The following ZCCHC7 variants were observed in gnomAD, a reference collection of about 807,000 sequenced individuals.
The protein encoded by ZCCHC7 is zinc finger CCHC-type containing 7.
In ZCCHC7, 35 loss-of-function variants were observed where a neutral mutation model predicts 52.0. That is an observed-to-expected ratio of 0.67 (90% CI 0.51 to 0.89). The LOEUF (loss-of-function observed/expected upper bound fraction) is 0.89. Among genes scored for constraint, ZCCHC7 ranks in the 40% least tolerant of loss-of-function variants. The pLI, the probability that ZCCHC7 is intolerant of heterozygous loss-of-function variation, is 0.00. For missense variants in ZCCHC7, 574 were observed against 649.1 expected (o/e 0.88, Z 1.26); for synonymous variants, 217 against 221.5 (o/e 0.98, Z 0.18).
At chr9:37,329,603 T>A (rs1027242365) in intron 6 of ZCCHC7, among the ~76,000 whole-genome samples, 5 of 151,900 alleles carry the variant, frequency 3.3e-5, no homozygotes, top group Non-Finnish European at 7.4e-5. Flanking sequence ...AGCATGTTTA[T>A]GAACTTGTGC....
chr9:37,289,189 G>A (rs1227310142), intron 2 of ZCCHC7, among the ~76,000 whole-genome samples: 9 of 147,462 alleles, frequency 6.1e-5, no homozygotes, highest in Admixed American at 6.8e-5. Context: ...TCGCTCTGTC[G>A]CCCAGGCTGG....
chr9:37,289,623 T>G (rs1828434358), intron 2 of ZCCHC7, among the ~76,000 whole-genome samples: 1 of 152,218 alleles, frequency 6.6e-6, no homozygotes, highest in Admixed American at 6.5e-5. Context: ...CTTCTATACT[T>G]GCCCTTCCCA....
At chr9:37,132,014 T>C (rs762687874) in intron 2 of ZCCHC7, among the ~76,000 whole-genome samples, 3 of 152,246 alleles carry the variant, frequency 2.0e-5, no homozygotes, top group Non-Finnish European at 2.9e-5. Flanking sequence ...ACTTCCTTTA[T>C]TCTTTCCTAA....
intron 2 of ZCCHC7, among the ~76,000 whole-genome samples, chr9:37,220,086 T>C (rs916119769): frequency 6.6e-6 from 1 of 152,348 alleles, no homozygotes; most frequent in Non-Finnish European, 1.5e-5. Flanking sequence ...AGTAAGGAAG[T>C]AATGAAACAT....
intron 2 of ZCCHC7, among the ~76,000 whole-genome samples, chr9:37,265,936 GTCTC>G (rs1827085283): frequency 6.6e-6 from 1 of 152,004 alleles, no homozygotes; most frequent in Non-Finnish European, 1.5e-5. Context: ...CCTCAAATCA[GTCTC>G]TGTCTTTGTG....
chr9:37,351,812 T>C (rs1343912319), intron 7 of ZCCHC7, among the ~76,000 whole-genome samples: 1 of 152,228 alleles, frequency 6.6e-6, no homozygotes, highest in Admixed American at 6.5e-5. Context: ...TTTATGTTTG[T>C]TCAATTAAAG....
At chr9:37,315,220 A>C (rs916687627) in intron 5 of ZCCHC7, among the ~76,000 whole-genome samples, 2 of 152,132 alleles carry the variant, frequency 1.3e-5, no homozygotes, top group African/African-American at 4.8e-5. Flanking sequence ...TAAAGTATAC[A>C]TACCAGGCTC....
At chr9:37,273,536 C>T (rs1827535418) in intron 2 of ZCCHC7, among the ~76,000 whole-genome samples, 1 of 152,116 alleles carries the variant, frequency 6.6e-6, no homozygotes, top group African/African-American at 2.4e-5. Context: ...TGTCCTGACA[C>T]CTACTCTTAG....
chr9:37,328,202 C>T (rs1161208442), intron 6 of ZCCHC7, among the ~76,000 whole-genome samples: 2 of 151,976 alleles, frequency 1.3e-5, no homozygotes, highest in African/African-American at 4.8e-5. Flanking sequence ...ATTCAGTCCA[C>T]AGTATCTTCA....
chr9:37,176,786 C>T (rs1267108682), intron 2 of ZCCHC7, among the ~76,000 whole-genome samples: 1 of 152,038 alleles, frequency 6.6e-6, no homozygotes, highest in Non-Finnish European at 1.5e-5. Flanking sequence ...TTCATTTTAG[C>T]TAAGGCTAAA....
intron 6 of ZCCHC7, among the ~76,000 whole-genome samples, chr9:37,328,253 C>G (rs1830327631): frequency 6.6e-6 from 1 of 151,960 alleles, no homozygotes; most frequent in Non-Finnish European, 1.5e-5. Context: ...TTTCAATGAA[C>G]CTAGAAAAAG....
At chr9:37,204,137 A>G (rs548923386) in intron 2 of ZCCHC7, among the ~76,000 whole-genome samples, 11 of 152,112 alleles carry the variant, frequency 7.2e-5, no homozygotes, top group Non-Finnish European at 1.0e-4. Context: ...TTCTTTGCCC[A>G]CTTTTTGATG....
At chr9:37,241,907 G>T (rs931783769) in intron 2 of ZCCHC7, among the ~76,000 whole-genome samples, 1 of 151,680 alleles carries the variant, frequency 6.6e-6, no homozygotes, top group Non-Finnish European at 1.5e-5. Flanking sequence ...GTCAGTAGTG[G>T]CTCATCAGCT....
chr9:37,274,700 C>A lies in ZCCHC7; in HGVS notation c.611-27488C>A, dbSNP rs559266941. Among the ~76,000 whole-genome samples, 5 of 152,216 alleles carry A rather than the reference C, an allele frequency of 3.3e-5. No homozygotes were observed. In the South Asian group the frequency reaches 1.0e-3, roughly 32 times the overall value. On this transcript the variant is annotated intron_variant, in intron 2 of 8. Coordinates refer to ENST00000336755, the MANE Select transcript of ZCCHC7 (RefSeq NM_032226.3). Reference sequence around the variant, plus strand: ...TTTTTAATGTTAATGTAGTTATTTACTCAATCTTTTCCTTTATGGTCTGTA... The same window carrying A: ...TTTTTAATGTTAATGTAGTTATTTAATCAATCTTTTCCTTTATGGTCTGTA...
chr9:37,130,333 C>CT (rs1564131111), intron 2 of ZCCHC7, among the ~76,000 whole-genome samples: 3 of 112,902 alleles, frequency 2.7e-5, no homozygotes, highest in African/African-American at 6.7e-5. Context: ...GGAATTCTCT[C>CT]CTTTTTTTTT....
At chr9:37,210,508 A>G (rs1349924222) in intron 2 of ZCCHC7, among the ~76,000 whole-genome samples, 1 of 152,212 alleles carries the variant, frequency 6.6e-6, no homozygotes, top group Non-Finnish European at 1.5e-5. Context: ...TTTCAGGAGT[A>G]GTGTATAATA....
intron 2 of ZCCHC7, among the ~76,000 whole-genome samples, chr9:37,266,987 A>G (rs534638412): frequency 6.6e-6 from 1 of 152,342 alleles, no homozygotes; most frequent in African/African-American, 2.4e-5. Context: ...GTTTTTCTGT[A>G]TAAATGGTCA....
intron 5 of ZCCHC7, among the ~76,000 whole-genome samples, chr9:37,321,966 A>G (rs982068397): frequency 5.3e-5 from 8 of 152,166 alleles, no homozygotes; most frequent in African/African-American, 1.9e-4. Flanking sequence ...CAAAGGGACA[A>G]TGAAATCACT....
At chr9:37,234,107 G>T (rs1198361253) in intron 2 of ZCCHC7, among the ~76,000 whole-genome samples, 1 of 152,078 alleles carries the variant, frequency 6.6e-6, no homozygotes, top group Non-Finnish European at 1.5e-5. Context: ...GACCTCAGGT[G>T]ATCCACCCGC....
Sources: gnomAD v4.1 joint callset for allele counts (sites outside exome capture counted in the v4.1 genomes callset) on GRCh38, gnomAD v4.1.1 for gene constraint, MANE v1.5 for transcripts, NCBI Gene and HGNC (gene_info 2026-07-23, HGNC 2026-07-21) for gene names.